GDI2: variants seen among roughly 807,000 people sequenced by gnomAD.
The protein encoded by GDI2 is rab GDP dissociation inhibitor beta.
GDI2 carries 22 observed loss-of-function variants against 54.2 expected under a neutral mutation model. That is an observed-to-expected ratio of 0.41 (90% CI 0.29 to 0.58). GDI2 has a LOEUF of 0.58. GDI2 is among the 20% of genes least tolerant of loss of function. The pLI, the probability that GDI2 is intolerant of heterozygous loss-of-function variation, is 0.35. For missense variants in GDI2, 422 were observed against 546.0 expected, an observed-to-expected ratio of 0.77 and a Z score of 2.26; for synonymous variants, 177 against 182.1, an observed-to-expected ratio of 0.97 and a Z score of 0.23.
chr10:5,778,642 T>C (rs1459337859), intron 6 of GDI2, among the ~76,000 whole-genome samples: 1 of 152,278 alleles, frequency 6.6e-6, no homozygotes, highest in Non-Finnish European at 1.5e-5. Context: ...TTTTAAGTTC[T>C]AACTTTGTTT....
chr10:5,812,190 G>A (rs1203751655), intron 1 of GDI2, among the ~76,000 whole-genome samples: 22 of 143,836 alleles, frequency 1.5e-4, no homozygotes, highest in African/African-American at 5.7e-4. Context: ...GAATTCTTTT[G>A]CAAGATGAAC....
At chr10:5,782,869 G>T (rs949582948) in intron 6 of GDI2, among the ~76,000 whole-genome samples, 1 of 152,186 alleles carries the variant, frequency 6.6e-6, no homozygotes. Flanking sequence ...GGGGGTGGAG[G>T]TTGCAGTGAG....
Position 5,776,969 on chromosome 10 carries a change from T to C in GDI2, c.720-3028A>G. 1 of 520,010 alleles carries C rather than the reference T, an allele frequency of 1.9e-6. No homozygotes were observed. Among genetic ancestry groups the C allele is most frequent in the Non-Finnish European group, 3.4e-6 (1 of 295,712 alleles). 32.2% of individuals were successfully genotyped at this position (520,010 alleles called of 1,614,324 possible). On this transcript the variant is annotated intron_variant, in intron 6 of 10. Coordinates refer to ENST00000380191, the MANE Select transcript of GDI2 (RefSeq NM_001494.4). The surrounding 1 kb of genome is among the most constrained non-coding windows in gnomAD (Gnocchi z 5.3). ...CATAGAAGGGTAATCCCGGAAATGC[T>C]TCATCTGGCAGACTGTGGGAGAAGA...
chr10:5,813,174 C>G, intron 1 of GDI2, 40 bp downstream of exon 1: 1 of 1,383,256 alleles, frequency 7.2e-7, no homozygotes, highest in Non-Finnish European at 9.8e-7. Flanking sequence ...GTGCGCCCGC[C>G]CCGGCTGCTC....
Position 5,765,938 on chromosome 10 carries a change from G to T in GDI2, c.*68C>A. Reference sequence around the variant, plus strand: ...TTACAAAAGCAGGCCTTACAATATTGATTTCATTATATGCATTATTTGCCA... The same window carrying T: ...TTACAAAAGCAGGCCTTACAATATTTATTTCATTATATGCATTATTTGCCA... On this transcript the variant is annotated 3_prime_UTR_variant, in exon 11 of 11. Coordinates refer to ENST00000380191, the MANE Select transcript of GDI2 (RefSeq NM_001494.4). 1 of 1,156,204 alleles carries T rather than the reference G, an allele frequency of 8.6e-7. No individual in the cohort carries two copies. The highest frequency in any genetic ancestry group is 1.5e-5 in the South Asian group (1 of 65,270). 71.6% of individuals were successfully genotyped at this position (1,156,204 alleles called of 1,614,324 possible).
At position 5,794,191 on chromosome 10, in the gene GDI2, ATATATATATATATATAT is replaced by A. The variant is rs1841091338; in HGVS notation, c.388+677_388+693del. ...TTAAAAGAAAAAAAAAAAAAAAAATATATATATATATATATATATATATATATATATATATATATATA... is the reference window on the plus strand; with the variant it reads ...TTAAAAGAAAAAAAAAAAAAAAAATAATATATATATATATATATATATATA... On this transcript the variant is annotated intron_variant, in intron 4 of 10. Coordinates refer to ENST00000380191, the MANE Select transcript of GDI2 (RefSeq NM_001494.4). Among the ~76,000 whole-genome samples, 56 of 31,932 alleles carry A rather than the reference ATATATATATATATATAT, an allele frequency of 1.8e-3. 5 individuals carry two copies. The highest frequency in any genetic ancestry group is 7.8e-3 in the South Asian group (4 of 512). The allele number at this position is 31,932 out of a possible 152,430, so 20.9% of individuals were successfully genotyped here. A position where few individuals can be genotyped will look rare whatever the true frequency, so the allele number is the denominator to read the frequency against.
chr10:5,799,459 C>A lies in GDI2; in HGVS notation c.153+1139G>T, dbSNP rs1306078324. 3.3e-5 allele frequency among the ~76,000 whole-genome samples: 5 copies of A among 151,826 alleles called. No homozygotes were observed. The East Asian group carries it at 9.8e-4, about 30-fold the overall frequency. ...ATGAGGTCAGGGGTTCCAGACCAGC[C>A]TGGCCATCATGGTGGAACCCCGTCT... On this transcript the variant is annotated intron_variant, in intron 2 of 10. Coordinates refer to ENST00000380191, the MANE Select transcript of GDI2 (RefSeq NM_001494.4).
intron 7 of GDI2, among the ~76,000 whole-genome samples, chr10:5,772,983 A>C (rs1840529679): frequency 6.6e-6 from 1 of 152,138 alleles, no homozygotes; most frequent in Admixed American, 6.5e-5. Context: ...CCCGCCTCTT[A>C]GGATCCTTGT....
At chr10:5,793,331 A>C (rs1296676477) in intron 4 of GDI2, among the ~76,000 whole-genome samples, 1 of 152,144 alleles carries the variant, frequency 6.6e-6, no homozygotes, top group African/African-American at 2.4e-5. Flanking sequence ...TCAAACTCCT[A>C]CTTCTATGAA....
At position 5,766,384 on chromosome 10, in the gene GDI2, C is replaced by T. The variant is rs1185289772; in HGVS notation, c.1137-89G>A. Reference sequence around the variant, plus strand: ...GTCAACTGAGAGGTACAGATGAATCCCACAGAGCAGCCAGCAGCTACCTGC... The same window carrying T: ...GTCAACTGAGAGGTACAGATGAATCTCACAGAGCAGCCAGCAGCTACCTGC... On this transcript the variant is annotated intron_variant, in intron 9 of 10. Transcript: ENST00000380191. The surrounding 1 kb of genome is among the most constrained non-coding windows in gnomAD (Gnocchi z 5.8). 2 of 1,498,048 alleles carry T rather than the reference C, an allele frequency of 1.3e-6. No homozygotes were observed. The highest frequency in any genetic ancestry group is 2.8e-5 in the African/African-American group (2 of 72,602). The allele number at this position is 1,498,048 out of a possible 1,614,324, so 92.8% of individuals were successfully genotyped here.
In GDI2 at chr10:5,768,446, G is replaced by A. The variant is rs1403120752; in HGVS notation, c.820-62C>T. The A allele has an allele frequency of 2.1e-5, 22 of 1,068,778 alleles. No individual in the cohort carries two copies. Among genetic ancestry groups the A allele is most frequent in the Middle Eastern group, 2.0e-4 (1 of 4,940 alleles). The allele number at this position is 1,068,778 out of a possible 1,614,324, so 66.2% of individuals were successfully genotyped here. Reference sequence around the variant, plus strand: ...AAGGATATAGGGAAACACATCCCATGTTCATAGTTTGGAAGACTTAGTATT... The same window carrying A: ...AAGGATATAGGGAAACACATCCCATATTCATAGTTTGGAAGACTTAGTATT... On this transcript the variant is annotated intron_variant, in intron 7 of 10. Transcript: ENST00000380191. The surrounding 1 kb of genome is among the most constrained non-coding windows in gnomAD (Gnocchi z 4.4).
intron 4 of GDI2, among the ~76,000 whole-genome samples, chr10:5,793,504 C>T (rs1002366961): frequency 2.0e-5 from 3 of 152,184 alleles, no homozygotes; most frequent in African/African-American, 7.2e-5. Context: ...GTATTTTTTA[C>T]TTTCTGGCTA....
At chr10:5,804,391 G>A (rs1841332545) in intron 1 of GDI2, among the ~76,000 whole-genome samples, 1 of 152,096 alleles carries the variant, frequency 6.6e-6, no homozygotes, top group Non-Finnish European at 1.5e-5. Context: ...ACTACGCCCA[G>A]CCTGAATCAT....
chr10:5,796,491 G>A (rs1041441269), intron 3 of GDI2, among the ~76,000 whole-genome samples: 1 of 152,170 alleles, frequency 6.6e-6, no homozygotes, highest in African/African-American at 2.4e-5. Flanking sequence ...AGCATCAACA[G>A]GTAAGTCTGT....
intron 1 of GDI2, among the ~76,000 whole-genome samples, chr10:5,806,952 C>A (rs1841391813): frequency 1.3e-5 from 2 of 152,112 alleles, no homozygotes; most frequent in African/African-American, 4.8e-5. Flanking sequence ...AAAGCAAGCA[C>A]TGAGGCCTAA....
chr10:5,801,943 G>A (rs1372035766), intron 1 of GDI2, among the ~76,000 whole-genome samples: 1 of 152,122 alleles, frequency 6.6e-6, no homozygotes, highest in African/African-American at 2.4e-5. Context: ...AGGAGGCAGA[G>A]GCTGCTGTGA....
chr10:5,805,469 C>T (rs543785842), intron 1 of GDI2, among the ~76,000 whole-genome samples: 1 of 152,102 alleles, frequency 6.6e-6, no homozygotes, highest in South Asian at 2.1e-4. Flanking sequence ...GCAGCCTCAA[C>T]CTCCAGGCTC....
chr10:5,810,825 C>T (rs557092566), intron 1 of GDI2, among the ~76,000 whole-genome samples: 1 of 152,052 alleles, frequency 6.6e-6, no homozygotes, highest in African/African-American at 2.4e-5. Flanking sequence ...TATACCAAAT[C>T]GTTTTGTATC....
chr10:5,784,685 T>C (rs756120237), intron 6 of GDI2, among the ~76,000 whole-genome samples: 1 of 152,342 alleles, frequency 6.6e-6, no homozygotes, highest in African/African-American at 2.4e-5. Flanking sequence ...ACTGCAGTGA[T>C]TGTTATTTCT....
Sources: gnomAD v4.1 joint callset for allele counts (sites outside exome capture counted in the v4.1 genomes callset) on GRCh38, gnomAD v4.1.1 for gene constraint, Gnocchi (gnomAD v3.1) non-coding constraint, MANE v1.5 for transcripts, NCBI Gene and HGNC (gene_info 2026-07-23, HGNC 2026-07-21) for gene names.